Variants in NEK6 observed in about 807,000 individuals in gnomAD.
NEK6 encodes the protein NIMA related kinase 6.
Under a neutral mutation model 43.5 loss-of-function variants are expected in NEK6, and 27 were observed. The ratio of observed to expected loss-of-function variants is 0.62; its 90% confidence interval spans 0.46 to 0.86. The LOEUF is 0.86. Among genes scored for constraint, NEK6 ranks in the 40% least tolerant of loss-of-function variants. The pLI is 0.00. For synonymous variants in NEK6, 167 were observed against 164.1 expected (o/e 1.02, Z -0.14); for missense variants, 318 against 414.4 (o/e 0.77, Z 2.02).
At chr9:124,312,424 G>C in intron 2 of NEK6, 85 bp from the exon 3 acceptor site, 2 of 1,441,128 alleles carry the variant, frequency 1.4e-6, no homozygotes, top group Middle Eastern at 2.3e-4. Context: ...AGAGGGTGCT[G>C]TTGGGGTGCT....
intron 1 of NEK6, chr9:124,262,879 C>T (rs1271054125): frequency 6.6e-6 from 1 of 152,270 alleles, no homozygotes; most frequent in Non-Finnish European, 1.5e-5. Context: ...GCCTGCAGTG[C>T]CTGCATTTTC....
At chr9:124,291,589 G>C (rs993293202) in intron 1 of NEK6, among the ~76,000 whole-genome samples, 1 of 152,162 alleles carries the variant, frequency 6.6e-6, no homozygotes, top group African/African-American at 2.4e-5. Flanking sequence ...TCATGCTGCT[G>C]TACTCCAGCC....
intron 5 of NEK6, among the ~76,000 whole-genome samples, chr9:124,325,386 T>C (rs1164793159): frequency 6.6e-6 from 1 of 152,240 alleles, no homozygotes; most frequent in East Asian, 1.9e-4. Context: ...CCATGCCCCT[T>C]TCCAGGCCAG....
chr9:124,325,934 G>C (rs965378352), intron 5 of NEK6, among the ~76,000 whole-genome samples: 1 of 152,216 alleles, frequency 6.6e-6, no homozygotes, highest in African/African-American at 2.4e-5. Flanking sequence ...CTGGGGACAG[G>C]GAGAGTCCAC....
At chr9:124,305,522 C>G (rs1182787341) in intron 2 of NEK6, among the ~76,000 whole-genome samples, 1 of 150,294 alleles carries the variant, frequency 6.7e-6, no homozygotes, top group Non-Finnish European at 1.5e-5. Context: ...CCATTGCACT[C>G]CAGCCTGGGC....
At position 124,324,862 on chromosome 9, in the gene NEK6, G is replaced by C. The variant is rs1328565518; in HGVS notation, c.406-1468G>C. On this transcript the variant is annotated intron_variant, in intron 5 of 9. Transcript: ENST00000320246. This position sits in a 1 kb window ranked among gnomAD's most constrained non-coding sequence, Gnocchi z 5.3. Reference sequence around the variant, plus strand: ...CTGAGCTCAGTCTCCCATATCAATGGTTACTGGTGTTATTAGAAGTGGGCT... The same window carrying C: ...CTGAGCTCAGTCTCCCATATCAATGCTTACTGGTGTTATTAGAAGTGGGCT... Among the ~76,000 whole-genome samples the C allele has an allele frequency of 1.3e-5, 2 of 152,176 alleles. No homozygotes were observed. The highest frequency in any genetic ancestry group is 2.4e-5 in the African/African-American group (1 of 41,440).
At position 124,350,186 on chromosome 9, in the gene NEK6, A is replaced by G. The variant is rs1025211313; in HGVS notation, c.832-651A>G. Among the ~76,000 whole-genome samples the G allele has an allele frequency of 9.9e-5, 15 of 152,196 alleles. 1 individual carries two copies. Among genetic ancestry groups the G allele is most frequent in the Non-Finnish European group, 1.9e-4 (13 of 68,038 alleles). The stretch of plus-strand genomic sequence containing the variant: ...GCAGCAGGTATTTAAATGGAAACCA[A>G]TGGCTGTGAGCCCGTGATGCAGGGT... On this transcript the variant is annotated intron_variant, in intron 9 of 9. Coordinates refer to ENST00000320246, the MANE Select transcript of NEK6 (RefSeq NM_014397.6).
At chr9:124,279,404 C>T (rs1298769420) in intron 1 of NEK6, among the ~76,000 whole-genome samples, 13 of 151,266 alleles carry the variant, frequency 8.6e-5, no homozygotes, top group Non-Finnish European at 7.4e-5. Context: ...CGGGTTCAAG[C>T]GATTCTCCTG....
chr9:124,341,903 G>A (rs1829653778), intron 8 of NEK6, among the ~76,000 whole-genome samples: 1 of 152,202 alleles, frequency 6.6e-6, no homozygotes. Flanking sequence ...CCCGGGGAGG[G>A]TGCGTGCCTG....
intron 2 of NEK6, 137 bp downstream of exon 2, chr9:124,302,191 A>G (rs1833017113): frequency 4.8e-6 from 3 of 624,052 alleles, no homozygotes; most frequent in Non-Finnish European, 8.2e-6. Flanking sequence ...GCTTCCAGTG[A>G]TGGGGAGCTC....
At chr9:124,269,813 CAG>C (rs1397383563) in intron 1 of NEK6, among the ~76,000 whole-genome samples, 2 of 152,192 alleles carry the variant, frequency 1.3e-5, no homozygotes, top group Non-Finnish European at 2.9e-5. Context: ...GTTGGTTTTG[CAG>C]AGTCATTAAG....
chr9:124,311,952 C>T (rs1184207236), intron 2 of NEK6, among the ~76,000 whole-genome samples: 3 of 152,242 alleles, frequency 2.0e-5, no homozygotes, highest in Non-Finnish European at 4.4e-5. Flanking sequence ...TCCCAAAATG[C>T]TGGGATTACA....
At chr9:124,299,625 G>A (rs940478690) in intron 1 of NEK6, among the ~76,000 whole-genome samples, 8 of 152,136 alleles carry the variant, frequency 5.3e-5, no homozygotes, top group Admixed American at 1.3e-4. Context: ...AGCACTGAGC[G>A]CTGGGAGACC....
At chr9:124,339,743 ACC>A in intron 8 of NEK6, 78 bp downstream of exon 8, 3 of 1,061,900 alleles carry the variant, frequency 2.8e-6, no homozygotes, top group Non-Finnish European at 4.4e-6. Flanking sequence ...GGCTCACCCT[ACC>A]AGCTCAGGGT....
chr9:124,328,908 C>G (rs1034761524), intron 7 of NEK6, among the ~76,000 whole-genome samples: 15 of 152,060 alleles, frequency 9.9e-5, no homozygotes, highest in Non-Finnish European at 2.1e-4. Context: ...GGACCCACCC[C>G]CCAGGGAGTA....
intron 1 of NEK6, among the ~76,000 whole-genome samples, chr9:124,297,015 G>T (rs377488313): frequency 1.3e-5 from 2 of 152,356 alleles, no homozygotes; most frequent in South Asian, 4.1e-4. Context: ...CCATGGCCGG[G>T]CAGGGTGCGG....
intron 1 of NEK6, among the ~76,000 whole-genome samples, chr9:124,285,272 C>G (rs1832102735): frequency 6.6e-6 from 1 of 152,168 alleles, no homozygotes; most frequent in Non-Finnish European, 1.5e-5. Context: ...AGCTGGTCTG[C>G]TTGTCGCGTT....
chr9:124,339,879 G>A (rs2131040994), intron 8 of NEK6, among the ~76,000 whole-genome samples: 1 of 145,252 alleles, frequency 6.9e-6, no homozygotes, highest in South Asian at 2.3e-4. Context: ...GTTAGAGGGT[G>A]GACAGCAGTG....
intron 4 of NEK6, 50 bp from the exon 5 acceptor site, chr9:124,321,409 C>A: frequency 7.9e-7 from 1 of 1,258,686 alleles, no homozygotes; most frequent in South Asian, 1.2e-5. Context: ...GGCACTGGGT[C>A]TGTCCCGTCT....
Sources: gnomAD v4.1 joint callset for allele counts (sites outside exome capture counted in the v4.1 genomes callset) on GRCh38, gnomAD v4.1.1 for gene constraint, Gnocchi (gnomAD v3.1) non-coding constraint, MANE v1.5 for transcripts, NCBI Gene and HGNC (gene_info 2026-07-23, HGNC 2026-07-21) for gene names.